The following MACROD2 variants were observed in gnomAD, a reference collection of about 807,000 sequenced individuals.
MACROD2 encodes mono-ADP ribosylhydrolase 2, also known as ADP-ribose glycohydrolase MACROD2.
In MACROD2, 36 loss-of-function variants were observed where a neutral mutation model predicts 70.4. That is an observed-to-expected ratio of 0.51 (90% confidence interval 0.39 to 0.68). The LOEUF (loss-of-function observed/expected upper bound fraction) is 0.68. MACROD2 is among the 30% of genes least tolerant of loss of function. The probability of loss-of-function intolerance (pLI) is 0.00; values close to 1 mark genes in which losing one functional copy is unlikely to be tolerated. For synonymous variants in MACROD2, 172 were observed against 178.8 expected, an observed-to-expected ratio of 0.96 and a Z score of 0.30; for missense variants, 496 against 538.4, an observed-to-expected ratio of 0.92 and a Z score of 0.78.
intron 3 of MACROD2, 21 bp from the exon 4 acceptor site, chr20:14,493,458 G>A (rs1207294628): frequency 6.2e-7 from 1 of 1,600,026 alleles, no homozygotes; most frequent in South Asian, 1.1e-5. Context: ...AATGTCTTTT[G>A]TTGTGTTTTG....
chr20:14,112,897 G>A (rs908518208), intron 3 of MACROD2, among the ~76,000 whole-genome samples: 3 of 151,854 alleles, frequency 2.0e-5, no homozygotes, highest in Non-Finnish European at 4.4e-5. Context: ...TACAACTTTA[G>A]GAGTTTCAGA....
intron 4 of MACROD2, among the ~76,000 whole-genome samples, chr20:14,644,928 A>T (rs1270303321): frequency 6.6e-6 from 1 of 152,170 alleles, no homozygotes; most frequent in Admixed American, 6.6e-5. Flanking sequence ...TAGGCAGGAA[A>T]CAAATAATAT....
At chr20:14,795,155 AG>A (rs1450659750) in intron 5 of MACROD2, among the ~76,000 whole-genome samples, 1 of 152,006 alleles carries the variant, frequency 6.6e-6, no homozygotes, top group Non-Finnish European at 1.5e-5. Context: ...AGGACCTTGT[AG>A]GGCCCAGTAA....
chr20:15,326,812 G>C (rs1423000362), intron 6 of MACROD2, among the ~76,000 whole-genome samples: 1 of 152,150 alleles, frequency 6.6e-6, no homozygotes, highest in Admixed American at 6.6e-5. Context: ...ACATCCAGGA[G>C]CATATGGCAA....
chr20:14,989,712 C>T (rs534432400), intron 5 of MACROD2, among the ~76,000 whole-genome samples: 1 of 152,186 alleles, frequency 6.6e-6, no homozygotes, highest in African/African-American at 2.4e-5. Context: ...TGTTAATGAG[C>T]ATATAATAAG....
intron 4 of MACROD2, among the ~76,000 whole-genome samples, chr20:14,544,354 TCAGA>T (rs1469445436): frequency 6.6e-6 from 1 of 152,084 alleles, no homozygotes; most frequent in Non-Finnish European, 1.5e-5. Flanking sequence ...GAGTTTAAAA[TCAGA>T]CAGATTCTGT....
At chr20:15,024,460 A>C (rs1052563320) in intron 5 of MACROD2, among the ~76,000 whole-genome samples, 8 of 152,012 alleles carry the variant, frequency 5.3e-5, no homozygotes, top group African/African-American at 1.9e-4. Flanking sequence ...AATTTGGTTT[A>C]TTTGAGTATA....
At chr20:15,954,881 A>G (rs1402496470) in intron 12 of MACROD2, among the ~76,000 whole-genome samples, 1 of 152,220 alleles carries the variant, frequency 6.6e-6, no homozygotes, top group Non-Finnish European at 1.5e-5. Context: ...CTCATCTATG[A>G]TATGAATACA....
intron 5 of MACROD2, among the ~76,000 whole-genome samples, chr20:15,209,087 TGTG>T (rs537024871): frequency 2.6e-5 from 4 of 151,680 alleles, no homozygotes; most frequent in South Asian, 4.2e-4. Context: ...ATCCCTTTCC[TGTG>T]GTGGTGGTGG....
chr20:14,663,919 T>G (rs141266282), intron 4 of MACROD2, among the ~76,000 whole-genome samples: 1 of 152,178 alleles, frequency 6.6e-6, no homozygotes, highest in East Asian at 1.9e-4. Flanking sequence ...CTTACCACTT[T>G]GTGTCTTATG....
At chr20:14,838,248 GA>G (rs2073051482) in intron 5 of MACROD2, among the ~76,000 whole-genome samples, 1 of 152,004 alleles carries the variant, frequency 6.6e-6, no homozygotes, top group South Asian at 2.1e-4. Flanking sequence ...TATAAAATTA[GA>G]ATATGCTAGA....
chr20:14,743,852 C>T (rs1432113401), intron 5 of MACROD2, among the ~76,000 whole-genome samples: 5 of 152,044 alleles, frequency 3.3e-5, no homozygotes, highest in Admixed American at 6.6e-5. Context: ...TGGATGTAGT[C>T]TTAACAGTCT....
At chr20:14,834,414 A>G (rs986625399) in intron 5 of MACROD2, among the ~76,000 whole-genome samples, 1 of 152,014 alleles carries the variant, frequency 6.6e-6, no homozygotes, top group Admixed American at 6.6e-5. Context: ...TTAATCATGT[A>G]AAATATATTT....
At chr20:14,477,440 G>C (rs1162346944) in intron 3 of MACROD2, among the ~76,000 whole-genome samples, 1 of 152,082 alleles carries the variant, frequency 6.6e-6, no homozygotes, top group Non-Finnish European at 1.5e-5. Context: ...TAAAGTTGTA[G>C]CACAAGATTT....
chr20:15,032,435 G>A (rs973033913), intron 5 of MACROD2, among the ~76,000 whole-genome samples: 11 of 152,240 alleles, frequency 7.2e-5, no homozygotes, highest in African/African-American at 2.7e-4. Context: ...GGTGGCTGCA[G>A]CTGGAGGTAA....
At chr20:14,399,257 A>G (rs1421222238) in intron 3 of MACROD2, among the ~76,000 whole-genome samples, 1 of 152,052 alleles carries the variant, frequency 6.6e-6, no homozygotes, top group Non-Finnish European at 1.5e-5. Context: ...CTTACCTCAA[A>G]TGATCCATTT....
intron 6 of MACROD2, among the ~76,000 whole-genome samples, chr20:15,359,553 A>T (rs1471766613): frequency 6.6e-6 from 1 of 151,592 alleles, no homozygotes; most frequent in African/African-American, 2.4e-5. Flanking sequence ...AAATTAATAA[A>T]TTTTATTAAT....
At chr20:15,490,311 C>T (rs184414661) in intron 7 of MACROD2, among the ~76,000 whole-genome samples, 2 of 150,294 alleles carry the variant, frequency 1.3e-5, no homozygotes, top group Admixed American at 1.3e-4. Flanking sequence ...TTTCTTTCAA[C>T]AGGGTTTCAC....
chr20:14,212,087 A>G (rs2081576074), intron 3 of MACROD2, among the ~76,000 whole-genome samples: 1 of 152,182 alleles, frequency 6.6e-6, no homozygotes, highest in South Asian at 2.1e-4. Flanking sequence ...CCTGAAACAC[A>G]TCTTGCTTCA....
Sources: allele counts gnomAD v4.1 joint callset (sites outside exome capture counted in the v4.1 genomes callset), GRCh38; gene constraint gnomAD v4.1.1; transcripts MANE v1.5; gene names NCBI Gene and HGNC (gene_info 2026-07-23, HGNC 2026-07-21).